ZC3H13: variants seen among roughly 807,000 people sequenced by gnomAD.
The protein encoded by ZC3H13 is zinc finger CCCH-type containing 13, also known as zinc finger CCCH domain-containing protein 13.
A neutral mutation model predicts 204.1 loss-of-function variants in ZC3H13; 64 were observed. That is an observed-to-expected ratio of 0.31 (90% CI 0.26 to 0.39). ZC3H13 has a LOEUF of 0.39. Among genes scored for constraint, ZC3H13 ranks in the 10% least tolerant of loss-of-function variants. ZC3H13 has a pLI of 1.00. For synonymous variants in ZC3H13, 667 were observed against 693.7 expected (o/e 0.96, Z 0.60); for missense variants, 1,833 against 2,082.7 (o/e 0.88, Z 2.33).
intron 1 of ZC3H13, among the ~76,000 whole-genome samples, chr13:46,046,502 C>CAAA (rs1289336036): frequency 0.28 from 35,308 of 125,356 alleles, 5,390 homozygotes; most frequent in Non-Finnish European, 0.33. Context: ...ACTAAAAATA[C>CAAA]AAAAAAAAAA....
intron 5 of ZC3H13, among the ~76,000 whole-genome samples, chr13:46,012,060 C>T (rs375651276): frequency 2.0e-5 from 3 of 152,120 alleles, no homozygotes; most frequent in African/African-American, 7.2e-5. Context: ...ATATCTAAAA[C>T]TAAAGTAATT....
chr13:45,964,117 TA>T, intron 16 of ZC3H13, 75 bp from the exon 17 acceptor site: 1 of 1,371,466 alleles, frequency 7.3e-7, no homozygotes, highest in Non-Finnish European at 1.0e-6. Context: ...GACATTTACA[TA>T]AATCAAGGAG....
chr13:46,011,415 C>T lies in ZC3H13; in HGVS notation c.588G>A (p.Glu196=), dbSNP rs1566279207. The change falls in exon 6 of 19, where the codon GAG becomes GAA. Residue 196 remains glutamate (E), a splice_region_variant and synonymous_variant. Coordinates refer to ENST00000679008, the MANE Select transcript of ZC3H13 (RefSeq NM_001330564.2). The part of the protein sequence containing the change: ...EKREEIIIKK[E]VSPEVVRSKL... ...ATATTTATTGCAATAAATAGCATAC[C>T]TCCTTTTTAATGATAATTTCTTCTC... The T allele has an allele frequency of 1.2e-6, 2 of 1,601,782 alleles. No homozygotes were observed. The highest frequency in any genetic ancestry group is 1.7e-6 in the Non-Finnish European group (2 of 1,175,292).
intron 4 of ZC3H13, among the ~76,000 whole-genome samples, chr13:46,038,645 A>G (rs1278924013): frequency 6.6e-6 from 1 of 152,234 alleles, no homozygotes; most frequent in Non-Finnish European, 1.5e-5. Flanking sequence ...AGAGAAATTC[A>G]TTACATGAAG....
At chr13:46,037,017 C>T (rs766741320) in intron 4 of ZC3H13, among the ~76,000 whole-genome samples, 2 of 152,158 alleles carry the variant, frequency 1.3e-5, no homozygotes, top group Non-Finnish European at 2.9e-5. Context: ...CCACACTCAG[C>T]TATCCCAATT....
chr13:45,987,109 T>C (rs2039596386), intron 9 of ZC3H13, among the ~76,000 whole-genome samples: 1 of 152,224 alleles, frequency 6.6e-6, no homozygotes, highest in Non-Finnish European at 1.5e-5. Flanking sequence ...CATCTGTCTT[T>C]ACAAATACGT....
chr13:45,974,671 T>C (rs1187315162), intron 12 of ZC3H13, among the ~76,000 whole-genome samples: 2 of 152,060 alleles, frequency 1.3e-5, no homozygotes, highest in Non-Finnish European at 2.9e-5. Flanking sequence ...TCCAAGACAT[T>C]GTGAATGCTT....
intron 6 of ZC3H13, among the ~76,000 whole-genome samples, chr13:46,011,197 T>C (rs1406286262): frequency 2.6e-5 from 4 of 152,192 alleles, no homozygotes; most frequent in Non-Finnish European, 5.9e-5. Flanking sequence ...AACAAACTCT[T>C]AGCTTTGCTC....
chr13:46,043,944 G>A (rs529873153), intron 3 of ZC3H13, among the ~76,000 whole-genome samples: 103 of 151,982 alleles, frequency 6.8e-4, no homozygotes, highest in African/African-American at 2.4e-3. Flanking sequence ...ATGTATCTAC[G>A]TGTATATATA....
intron 17 of ZC3H13, among the ~76,000 whole-genome samples, chr13:45,960,247 G>A (rs1243263781): frequency 1.3e-5 from 2 of 151,936 alleles, no homozygotes; most frequent in Non-Finnish European, 2.9e-5. Context: ...ATGAGTCACC[G>A]CCCCCAGCCC....
At chr13:45,999,023 A>G (rs1215071902) in intron 8 of ZC3H13, among the ~76,000 whole-genome samples, 1 of 152,194 alleles carries the variant, frequency 6.6e-6, no homozygotes, top group Non-Finnish European at 1.5e-5. Context: ...GGATTACTTG[A>G]GTCCAGGAGT....
chr13:46,052,730 C>G lies in ZC3H13; in HGVS notation c.-336G>C. The G allele has an allele frequency of 2.5e-6, 1 of 397,794 alleles. No individual in the cohort carries two copies. The highest frequency in any genetic ancestry group is 4.4e-6 in the Non-Finnish European group (1 of 225,646). The allele number at this position is 397,794 out of a possible 1,614,324, so 24.6% of individuals were successfully genotyped here. A position where few individuals can be genotyped will look rare whatever the true frequency, so the allele number is the denominator to read the frequency against. ...CTAGGAGGACCGCCTCAAAATGCCG[C>G]CGGAAGTCAGAGGTTTGCCCTGTTC... is the stretch of plus-strand genomic sequence containing the variant. On this transcript the variant is annotated 5_prime_UTR_variant, in exon 1 of 19. Coordinates refer to ENST00000679008, the MANE Select transcript of ZC3H13 (RefSeq NM_001330564.2).
chr13:46,006,328 A>G (rs1326099976), intron 7 of ZC3H13, among the ~76,000 whole-genome samples: 1 of 152,026 alleles, frequency 6.6e-6, no homozygotes, highest in Admixed American at 6.6e-5. Context: ...GAGATTGATT[A>G]ATAAAACTCC....
chr13:46,020,904 T>G (rs1048189798), intron 4 of ZC3H13, among the ~76,000 whole-genome samples: 1 of 152,048 alleles, frequency 6.6e-6, no homozygotes, highest in African/African-American at 2.4e-5. Context: ...TTAACAAACT[T>G]GTGACATTCA....
chr13:45,969,301 T>G lies in ZC3H13; in HGVS notation c.3243A>C (p.Ala1081=), dbSNP rs778556303. 21 of 1,613,828 alleles carry G rather than the reference T, an allele frequency of 1.3e-5. No individual in the cohort carries two copies. In the South Asian group the frequency reaches 2.3e-4, roughly 18 times the overall value. The change falls in exon 14 of 19, where the codon GCA becomes GCC. Residue 1081 remains alanine, a synonymous_variant. Coordinates refer to ENST00000679008, the MANE Select transcript of ZC3H13 (RefSeq NM_001330564.2). ...GAGTCGTGGCGGTGGCAGTATGCTC[T>G]GCTTCTGTCACCTCTGTACGGTCAG... ...DVPDRTEVTE[A]EHTATATTPG...
chr13:45,975,589 T>A lies in ZC3H13; in HGVS notation c.2162A>T (p.Lys721Ile). The change falls in exon 12 of 19, where the codon AAA becomes ATA. Residue 721 changes from lysine (K) to isoleucine (I), a missense_variant. Lys to Ile is a moderately radical substitution (Grantham distance 102, BLOSUM62 -3). This residue lies in a region of ZC3H13 where 1,574 missense variants were observed against 1,757.2 expected (regional missense o/e 0.90). Transcript: ENST00000679008. ...TCTATCCCTTTCACGATCTCTCTCT[T>A]TTTCTCTTTCTCTCTCCCGTTCCCT... is the stretch of plus-strand genomic sequence containing the variant. ...RAREREREREKERDRERDRDR... is the reference protein window; with the variant it reads ...RAREREREREIERDRERDRDR... The A allele has an allele frequency of 6.4e-7, 1 of 1,569,856 alleles. No individual in the cohort carries two copies. Among genetic ancestry groups the A allele is most frequent in the South Asian group, 1.1e-5 (1 of 87,012 alleles).
chr13:46,045,538 G>A lies in ZC3H13; in HGVS notation c.-9-22C>T, dbSNP rs1217170718. 3 of 1,543,144 alleles carry A rather than the reference G, an allele frequency of 1.9e-6. No homozygotes were observed. In the African/African-American group the frequency reaches 4.1e-5, roughly 21 times the overall value. On this transcript the variant is annotated intron_variant, in intron 1 of 18. Coordinates refer to ENST00000679008, the MANE Select transcript of ZC3H13 (RefSeq NM_001330564.2). Reference sequence around the variant, plus strand: ...ACTACTTCAACCAAAAAAGAAAGAGGCAAAACTGTAAAATTCCTCAGTTTT... The same window carrying A: ...ACTACTTCAACCAAAAAAGAAAGAGACAAAACTGTAAAATTCCTCAGTTTT...
At position 45,969,905 on chromosome 13, in the gene ZC3H13, T is replaced by A; in HGVS notation, c.2639A>T (p.His880Leu). The A allele has an allele frequency of 6.2e-7, 1 of 1,613,816 alleles. No homozygotes were observed. The highest frequency in any genetic ancestry group is 1.1e-5 in the South Asian group (1 of 91,070). Residue 880 changes from histidine (H) to leucine (L), a missense_variant, in exon 14 of 19, where the codon CAC (histidine) becomes CTC (leucine). Around this residue, in one of 5 missense-constraint regions of ZC3H13, gnomAD observed 1,574 missense variants for 1,757.2 expected, o/e 0.90. Coordinates refer to ENST00000679008, the MANE Select transcript of ZC3H13 (RefSeq NM_001330564.2). Reference sequence around the variant, plus strand: ...TCTACCCTGTCTGTCTTCTGTGAGGTGCGAGGGACTAAGAGAACGAGATTC... The same window carrying A: ...TCTACCCTGTCTGTCTTCTGTGAGGAGCGAGGGACTAAGAGAACGAGATTC... ...PQESRSLSPSHLTEDRQGRWK... is the reference protein window; with the variant it reads ...PQESRSLSPSLLTEDRQGRWK...
chr13:45,962,624 T>C (rs909060858), intron 17 of ZC3H13: 3 of 983,786 alleles, frequency 3.0e-6, no homozygotes, highest in Non-Finnish European at 3.6e-6. Flanking sequence ...TCTAGGTTTA[T>C]TGGGCTATAT....
Sources: gnomAD v4.1 joint callset for allele counts (sites outside exome capture counted in the v4.1 genomes callset) on GRCh38, gnomAD v4.1.1 for gene constraint, gnomAD v4.1.1 regional missense constraint, MANE v1.5 for transcripts, NCBI Gene and HGNC (gene_info 2026-07-23, HGNC 2026-07-21) for gene names.